MEN1: variants seen among roughly 807,000 people sequenced by gnomAD.
MEN1 encodes the protein menin 1.
A neutral mutation model predicts 58.0 loss-of-function variants in MEN1; 6 were observed. That is an observed-to-expected ratio of 0.10 (90% CI 0.06 to 0.20). The LOEUF (loss-of-function observed/expected upper bound fraction) is 0.20, where lower values mean the gene tolerates loss of function less well. Among genes scored for constraint, MEN1 ranks in the 10% least tolerant of loss-of-function variants. The pLI, the probability that MEN1 is intolerant of heterozygous loss-of-function variation, is 1.00. For synonymous variants in MEN1, 346 were observed against 350.7 expected (o/e 0.99, Z 0.15); for missense variants, 492 against 818.5 (o/e 0.60, Z 4.87).
chr11:64,806,778 A>G (rs191457256), intron 6 of MEN1, among the ~76,000 whole-genome samples: 34 of 152,314 alleles, frequency 2.2e-4, no homozygotes, highest in African/African-American at 7.5e-4. Context: ...GCAGTGGCAG[A>G]AAAGGCAGGG....
Position 64,804,812 on chromosome 11 carries a change from C to G in MEN1, c.1355G>C (p.Arg452Pro), listed in dbSNP as rs775922507. 1 of 1,597,006 alleles carries G rather than the reference C, an allele frequency of 6.3e-7. No homozygotes were observed. Among genetic ancestry groups the G allele is most frequent in the Non-Finnish European group, 8.5e-7 (1 of 1,179,080 alleles). ...QSLGRFEGQVRQKVRIVSREA... is the reference protein window; with the variant it reads ...QSLGRFEGQVPQKVRIVSREA... ...TCGGCTCACTATGCGCACCTTCTGC[C>G]GCACCTGGGCCAGTGGGGAGAGCAA... The change falls in exon 10 of 10, where the codon CGG (arginine) becomes CCG (proline). Residue 452 changes from arginine (R) to proline (P), a missense_variant. Around this residue, in one of 5 missense-constraint regions of MEN1, gnomAD observed 45 missense variants for 66.9 expected, o/e 0.67. Transcript: ENST00000450708. The surrounding 1 kb of genome is among the most constrained non-coding windows in gnomAD (Gnocchi z 4.2).
chr11:64,805,225 GATCA>G, intron 8 of MEN1, 27 bp from the exon 9 acceptor site: 1 of 1,610,952 alleles, frequency 6.2e-7, no homozygotes, highest in Non-Finnish European at 8.5e-7. Flanking sequence ...GGAGGGCACA[GATCA>G]GTCTCTTACT....
intron 8 of MEN1, 80 bp from the exon 9 acceptor site, chr11:64,805,278 A>C: frequency 6.6e-7 from 1 of 1,503,972 alleles, no homozygotes. Context: ...CCCCCCACCT[A>C]GGCAAAGACC....
Position 64,804,689 on chromosome 11 carries a change from G to C in MEN1, c.1478C>G (p.Pro493Arg). ...PRRESKPEEP[P>R]PPKKPALDKG... ...GTCCAGTGCTGGCTTCTTGGGCGGC[G>C]GGGGCTCCTCTGGCTTGGACTCCCG... Residue 493 changes from proline to arginine, a missense_variant, in exon 10 of 10, where the codon CCG (proline) becomes CGG (arginine). Transcript: ENST00000450708. This position sits in a 1 kb window ranked among gnomAD's most constrained non-coding sequence, Gnocchi z 4.2. 1 of 1,594,574 alleles carries C rather than the reference G, an allele frequency of 6.3e-7. No homozygotes were observed. Among genetic ancestry groups the C allele is most frequent in the South Asian group, 1.1e-5 (1 of 90,550 alleles).
At chr11:64,808,150 G>A (rs1592652483) in intron 2 of MEN1, 51 bp from the exon 3 acceptor site, 2 of 1,520,818 alleles carry the variant, frequency 1.3e-6, no homozygotes, top group East Asian at 4.9e-5. Context: ...TTAACATGGG[G>A]AAAGGGGGCC....
intron 8 of MEN1, 89 bp from the exon 9 acceptor site, chr11:64,805,287 C>G: frequency 1.4e-6 from 2 of 1,452,132 alleles, no homozygotes; most frequent in South Asian, 2.5e-5. Flanking sequence ...TAGGCAAAGA[C>G]CCCTGGCTCC....
chr11:64,806,083 C>T lies in MEN1; in HGVS notation c.1049+149G>A, dbSNP rs371227540. 7.8e-6 allele frequency: 8 copies of T among 1,021,732 alleles called. No individual in the cohort carries two copies. In the African/African-American group the frequency reaches 7.9e-5, roughly 10 times the overall value. The allele number at this position is 1,021,732 out of a possible 1,614,324, so 63.3% of individuals were successfully genotyped here. A position where few individuals can be genotyped will look rare whatever the true frequency, so the allele number is the denominator to read the frequency against. The stretch of plus-strand genomic sequence containing the variant: ...GTGACACCTTAATCAGGGTCCCTAC[C>T]TCCTGGGTAATGGTGGCCTTGCTGC... On this transcript the variant is annotated intron_variant, in intron 7 of 9. Coordinates refer to ENST00000450708, the MANE Select transcript of MEN1 (RefSeq NM_001370259.2).
Position 64,809,840 on chromosome 11 carries a change from A to G in MEN1, c.270T>C (p.Tyr90=). 1 of 1,611,098 alleles carries G rather than the reference A, an allele frequency of 6.2e-7. No individual in the cohort carries two copies. The highest frequency in any genetic ancestry group is 8.5e-7 in the Non-Finnish European group (1 of 1,178,578). Residue 90 remains tyrosine (Y), a synonymous_variant, in exon 2 of 10, where the codon TAT becomes TAC. Coordinates refer to ENST00000450708, the MANE Select transcript of MEN1 (RefSeq NM_001370259.2). ...CTCGGATCTGGGCGGTGAAGCGGGC[A>G]TAGAGGGCGGCGATGATAGACAGGT... ...VADLSIIAAL[Y]ARFTAQIRGA... is the part of the protein sequence containing the mutation.
rs1422628649 is a variant in MEN1, at chr11:64,810,089, C to T, written c.21G>A (p.Gln7=). The T allele has an allele frequency of 9.3e-6, 13 of 1,394,702 alleles. No individual in the cohort carries two copies. Among genetic ancestry groups the T allele is most frequent in the Non-Finnish European group, 1.3e-5 (13 of 1,039,988 alleles). 86.4% of individuals were successfully genotyped at this position (1,394,702 alleles called of 1,614,324 possible). ...TGGAGCGCAGCGGGAACAGCGTCTT[C>T]TGGGCGGCCTTCAGCCCCATGGCGG... The part of the protein sequence containing the change: MGLKAA[Q]KTLFPLRSID... Residue 7 remains glutamine (Q), a synonymous_variant, in exon 2 of 10, where the codon CAG becomes CAA. Coordinates refer to ENST00000450708, the MANE Select transcript of MEN1 (RefSeq NM_001370259.2).
chr11:64,810,267 C>T lies in MEN1; in HGVS notation c.-23-135G>A, dbSNP rs587777949. On this transcript the variant is annotated intron_variant, in intron 1 of 9. Coordinates refer to ENST00000450708, the MANE Select transcript of MEN1 (RefSeq NM_001370259.2). ...CCCCACCCTCTTCAGCCTCTGCTCA[C>T]CGGCTTCCCCTCTTTTGTCGGTGAG... 4.3e-5 allele frequency: 27 copies of T among 627,826 alleles called. 1 individual carries two copies. The highest frequency in any genetic ancestry group is 2.4e-4 in the African/African-American group (13 of 54,298). The allele number at this position is 627,826 out of a possible 1,614,324, so 38.9% of individuals were successfully genotyped here.
rs1337324454 is a variant in MEN1 at position 64,807,053 on chromosome 11, C to T, written c.870G>A (p.Glu290=). 1 of 1,613,728 alleles carries T rather than the reference C, an allele frequency of 6.2e-7. No individual in the cohort carries two copies. The highest frequency in any genetic ancestry group is 8.5e-7 in the Non-Finnish European group (1 of 1,180,022). The change falls in exon 6 of 10, where the codon GAG becomes GAA. Residue 290 remains glutamate (E), a synonymous_variant. Transcript: ENST00000450708. This position sits in a 1 kb window ranked among gnomAD's most constrained non-coding sequence, Gnocchi z 4.9. ...LGNLADLEEL[E]PTPGRPDPLT... ...GTGGGTCTGGCCGGCCAGGGGTGGG[C>T]TCCAGCTCCTCTAGATCTGCCAGGT...
upstream of MEN1, chr11:64,810,628 A>C: frequency 6.5e-6 from 1 of 154,784 alleles, no homozygotes; most frequent in Admixed American, 6.4e-5. Flanking sequence ...GTCTGGGCCC[A>C]CCCCTGCCCC....
intron 7 of MEN1, 189 bp downstream of exon 7, chr11:64,806,043 G>C: frequency 1.4e-6 from 1 of 713,590 alleles, no homozygotes; most frequent in Non-Finnish European, 2.3e-6. Flanking sequence ...GAGGAGAGGG[G>C]AGGGAGGGAA....
At chr11:64,808,258 C>T (rs976489950) in intron 2 of MEN1, among the ~76,000 whole-genome samples, 159 bp from the exon 3 acceptor site, 2 of 152,200 alleles carry the variant, frequency 1.3e-5, no homozygotes, top group Non-Finnish European at 2.9e-5. Context: ...TTCCCTCCCA[C>T]GTGTTCAAAG....
At chr11:64,805,346 T>C in intron 8 of MEN1, 148 bp from the exon 9 acceptor site, 1 of 983,198 alleles carries the variant, frequency 1.0e-6, no homozygotes, top group Non-Finnish European at 1.5e-6. Context: ...TCTTTCCTTT[T>C]ATAAAGCCAA....
chr11:64,806,911 C>T, intron 6 of MEN1, 100 bp downstream of exon 6: 4 of 1,042,512 alleles, frequency 3.8e-6, no homozygotes, highest in Non-Finnish European at 5.9e-6. Context: ...TGGGCGATAC[C>T]CCCCAACACA....
chr11:64,805,054 G>C lies in MEN1; in HGVS notation c.1330C>G (p.Leu444Val), dbSNP rs2136100021. 1 of 1,614,058 alleles carries C rather than the reference G, an allele frequency of 6.2e-7. No homozygotes were observed. Among genetic ancestry groups the C allele is most frequent in the Non-Finnish European group, 8.5e-7 (1 of 1,179,998 alleles). ...VGWATFLVQS[L>V]GRFEGQVRQK... ...CTCACCTGTCCCTCAAAACGGCCTA[G>C]GGACTGCACAAGAAAGGTGGCCCAG... is the stretch of plus-strand genomic sequence containing the variant. The change falls in exon 9 of 10, where the codon CTA (leucine) becomes GTA (valine). Residue 444 changes from leucine to valine, a missense_variant. Around this residue, in one of 5 missense-constraint regions of MEN1, gnomAD observed 9 missense variants for 46.4 expected, o/e 0.19. Transcript: ENST00000450708.
intron 2 of MEN1, among the ~76,000 whole-genome samples, chr11:64,809,263 C>CAA (rs11404218): frequency 0.025 from 2,837 of 115,740 alleles, 51 homozygotes; most frequent in African/African-American, 0.038. Flanking sequence ...GACCCTGTCT[C>CAA]AAAAAAAAAA....
At chr11:64,810,245 C>T in intron 1 of MEN1, 113 bp from the exon 2 acceptor site, 1 of 675,376 alleles carries the variant, frequency 1.5e-6, no homozygotes, top group South Asian at 1.9e-5. Flanking sequence ...CCTGCTTCCC[C>T]ACCCTCTTCA....
Sources: allele counts gnomAD v4.1 joint callset (sites outside exome capture counted in the v4.1 genomes callset), GRCh38; gene constraint gnomAD v4.1.1; regional missense constraint gnomAD v4.1.1; non-coding constraint Gnocchi (gnomAD v3.1); transcripts MANE v1.5; gene names NCBI Gene and HGNC (gene_info 2026-07-23, HGNC 2026-07-21).